GPC6: variants seen among roughly 807,000 people sequenced by gnomAD.
GPC6 encodes the protein glypican-6.
A neutral mutation model predicts 55.2 loss-of-function variants in GPC6; 14 were observed. That is an observed-to-expected ratio of 0.25 (90% CI 0.17 to 0.40). The LOEUF (loss-of-function observed/expected upper bound fraction) is 0.40. GPC6 is among the 10% of genes least tolerant of loss of function. The probability of loss-of-function intolerance (pLI) is 1.00; values close to 1 mark genes in which losing one functional copy is unlikely to be tolerated. For synonymous variants in GPC6, 278 were observed against 259.6 expected (o/e 1.07, Z -0.68); for missense variants, 641 against 708.5 (o/e 0.90, Z 1.08).
At chr13:93,444,759 T>A (rs1283460153) in intron 1 of GPC6, among the ~76,000 whole-genome samples, 1 of 152,228 alleles carries the variant, frequency 6.6e-6, no homozygotes, top group East Asian at 1.9e-4. Flanking sequence ...CACATTGTGG[T>A]TCTGACAGCC....
Position 94,398,494 on chromosome 13 carries a change from C to T in GPC6, c.1318C>T (p.Leu440Phe), listed in dbSNP as rs747106705. 1.5e-5 allele frequency: 24 copies of T among 1,613,550 alleles called. No homozygotes were observed. In the South Asian group the frequency reaches 2.5e-4, roughly 17 times the overall value. Residue 440 changes from leucine to phenylalanine, a missense_variant, in exon 8 of 9, where the codon CTC becomes TTC. Coordinates refer to ENST00000377047, the MANE Select transcript of GPC6 (RefSeq NM_005708.5). The stretch of plus-strand genomic sequence containing the variant: ...CTTGCCTGAGATCATGAATGATGGG[C>T]TCACCAACCAGATCAACAATCCCGA... ...RYLPEIMNDG[L>F]TNQINNPEVD... is the part of the protein sequence containing the mutation.
At chr13:93,925,401 A>G (rs1007601209) in intron 3 of GPC6, among the ~76,000 whole-genome samples, 1 of 152,218 alleles carries the variant, frequency 6.6e-6, no homozygotes, top group Non-Finnish European at 1.5e-5. Flanking sequence ...GGAATAGAAG[A>G]AGAGAAATAA....
chr13:93,452,562 T>C (rs1395594709), intron 1 of GPC6, among the ~76,000 whole-genome samples: 1 of 152,242 alleles, frequency 6.6e-6, no homozygotes, highest in African/African-American at 2.4e-5. Context: ...TACCATGAAA[T>C]AGTAAGCCTC....
chr13:93,896,639 T>C (rs574486008), intron 3 of GPC6, among the ~76,000 whole-genome samples: 2 of 152,210 alleles, frequency 1.3e-5, no homozygotes, highest in South Asian at 4.1e-4. Flanking sequence ...ATCATTTAAG[T>C]TGAATTTTAA....
chr13:93,265,730 CA>C (rs1401732608), intron 1 of GPC6, among the ~76,000 whole-genome samples: 1 of 152,110 alleles, frequency 6.6e-6, no homozygotes, highest in Non-Finnish European at 1.5e-5. Context: ...ATGCCAGAGC[CA>C]GCTTTTATTG....
chr13:93,890,530 G>A (rs1440859507), intron 3 of GPC6, among the ~76,000 whole-genome samples: 3 of 152,012 alleles, frequency 2.0e-5, no homozygotes, highest in African/African-American at 4.8e-5. Context: ...ATCGAAAGGG[G>A]CACCATCATG....
intron 1 of GPC6, among the ~76,000 whole-genome samples, chr13:93,486,902 GCCA>G: frequency 6.7e-6 from 1 of 149,402 alleles, no homozygotes; most frequent in East Asian, 2.0e-4. Flanking sequence ...CTGAGATCGT[GCCA>G]CCATACTCCA....
intron 3 of GPC6, among the ~76,000 whole-genome samples, chr13:93,859,003 T>G (rs1888720423): frequency 6.6e-6 from 1 of 151,438 alleles, no homozygotes. Flanking sequence ...CTAATGGGAG[T>G]CAACGCAGAG....
intron 1 of GPC6, among the ~76,000 whole-genome samples, chr13:93,440,939 G>A (rs988412809): frequency 1.7e-4 from 25 of 150,896 alleles, no homozygotes; most frequent in Non-Finnish European, 3.4e-4. Flanking sequence ...GTGAGAACAT[G>A]CGGTATTTGG....
chr13:93,334,025 G>C (rs1313597327), intron 1 of GPC6, among the ~76,000 whole-genome samples: 1 of 152,072 alleles, frequency 6.6e-6, no homozygotes, highest in African/African-American at 2.4e-5. Context: ...CCTGTCATAA[G>C]TTCACAAGTA....
rs542195172 is a variant in GPC6, at chr13:93,708,234, A to G, written c.320-121920A>G. 3.9e-5 allele frequency among the ~76,000 whole-genome samples: 6 copies of G among 151,952 alleles called. No homozygotes were observed. The South Asian group carries it at 8.3e-4, about 21-fold the overall frequency. Reference sequence around the variant, plus strand: ...ATAAAATATTGTATTTTAAACACATAGTACTCAACAGGAAAAAGCGTGTCA... The same window carrying G: ...ATAAAATATTGTATTTTAAACACATGGTACTCAACAGGAAAAAGCGTGTCA... On this transcript the variant is annotated intron_variant, in intron 2 of 8. Transcript: ENST00000377047.
chr13:93,758,706 G>T (rs2138873392), intron 2 of GPC6, among the ~76,000 whole-genome samples: 1 of 151,848 alleles, frequency 6.6e-6, no homozygotes, highest in Non-Finnish European at 1.5e-5. Context: ...GCATGAAAGG[G>T]TCACCCTGGA....
chr13:94,205,882 C>G (rs1889887951), intron 4 of GPC6, among the ~76,000 whole-genome samples: 1 of 152,180 alleles, frequency 6.6e-6, no homozygotes, highest in Admixed American at 6.5e-5. Context: ...CACTGGTTTT[C>G]AACTGGGACT....
intron 1 of GPC6, among the ~76,000 whole-genome samples, chr13:93,252,833 C>T (rs115129849): frequency 2.0e-3 from 297 of 152,236 alleles, no homozygotes; most frequent in African/African-American, 6.9e-3. Flanking sequence ...TGTTTTCTTA[C>T]CAGGCATACC....
chr13:93,583,268 T>A (rs1170807354), intron 2 of GPC6, among the ~76,000 whole-genome samples: 1 of 152,204 alleles, frequency 6.6e-6, no homozygotes, highest in Non-Finnish European at 1.5e-5. Context: ...CTTTTCTCCC[T>A]CCTAAGAGTC....
chr13:93,577,779 G>A (rs1876734709), intron 2 of GPC6, among the ~76,000 whole-genome samples: 1 of 151,988 alleles, frequency 6.6e-6, no homozygotes. Context: ...GGACATCCTT[G>A]TCTTGTTCCA....
At chr13:93,409,237 C>T (rs1359198) in intron 1 of GPC6, among the ~76,000 whole-genome samples, 27,703 of 151,518 alleles carry the variant, frequency 0.18, 3,199 homozygotes, top group East Asian at 0.48. Flanking sequence ...AGCCAGCTGG[C>T]AGCTGCATTG....
chr13:93,349,590 C>G (rs1309668710), intron 1 of GPC6, among the ~76,000 whole-genome samples: 1 of 152,100 alleles, frequency 6.6e-6, no homozygotes, highest in South Asian at 2.1e-4. Context: ...TTTAAGGGAG[C>G]ATATTTAGAA....
intron 2 of GPC6, among the ~76,000 whole-genome samples, chr13:93,732,106 C>A (rs1883845484): frequency 6.6e-6 from 1 of 152,106 alleles, no homozygotes; most frequent in African/African-American, 2.4e-5. Flanking sequence ...TGCAGCTTTC[C>A]CAGCTTTCTA....
Sources: gnomAD v4.1 joint callset for allele counts (sites outside exome capture counted in the v4.1 genomes callset) on GRCh38, gnomAD v4.1.1 for gene constraint, MANE v1.5 for transcripts, NCBI Gene and HGNC (gene_info 2026-07-23, HGNC 2026-07-21) for gene names.